SUMF1: variants seen among roughly 807,000 people sequenced by gnomAD.
SUMF1 encodes the protein formylglycine-generating enzyme.
SUMF1 carries 48 observed loss-of-function variants against 47.6 expected under a neutral mutation model. That is an observed-to-expected ratio of 1.01 (90% CI 0.80 to 1.28). The LOEUF (loss-of-function observed/expected upper bound fraction) is 1.28, where lower values mean the gene tolerates loss of function less well. Among genes scored for constraint, SUMF1 ranks in the 50% most tolerant of loss-of-function variants. The probability of loss-of-function intolerance (pLI) is 0.00; values close to 1 mark genes in which losing one functional copy is unlikely to be tolerated. For synonymous variants in SUMF1, 230 were observed against 192.1 expected, an observed-to-expected ratio of 1.20 and a Z score of -1.63; for missense variants, 571 against 485.4, an observed-to-expected ratio of 1.18 and a Z score of -1.66.
At chr3:4,244,921 G>A (rs1182702748) in intron 8 of SUMF1, among the ~76,000 whole-genome samples, 4 of 151,836 alleles carry the variant, frequency 2.6e-5, no homozygotes, top group African/African-American at 9.7e-5. Flanking sequence ...TTTCTTGGAG[G>A]CTTCGTTCGT....
chr3:4,389,114 C>A (rs1392846063), intron 7 of SUMF1, among the ~76,000 whole-genome samples: 3 of 152,144 alleles, frequency 2.0e-5, no homozygotes, highest in East Asian at 1.9e-4. Flanking sequence ...TGTTTAAGAA[C>A]ATTCCTTTAG....
At chr3:4,222,517 G>T in intron 8 of SUMF1, among the ~76,000 whole-genome samples, 1 of 151,988 alleles carries the variant, frequency 6.6e-6, no homozygotes, top group East Asian at 1.9e-4. Context: ...CAACCTGGAT[G>T]TACCAGTGCT....
At chr3:4,368,296 C>G (rs1700048525) in intron 8 of SUMF1, among the ~76,000 whole-genome samples, 2 of 152,190 alleles carry the variant, frequency 1.3e-5, no homozygotes, top group Non-Finnish European at 2.9e-5. Flanking sequence ...GATATCATCT[C>G]ACACCAGTTA....
At position 4,087,278 on chromosome 3, in the gene SUMF1, T is replaced by C. The variant is rs186745020; in HGVS notation, c.1015-18533A>G. Among the ~76,000 whole-genome samples, 42 of 152,278 alleles carry C rather than the reference T, an allele frequency of 2.8e-4. No homozygotes were observed. The East Asian group carries it at 4.2e-3, about 15-fold the overall frequency. ...CTTTCTGATCTCGCAGACATGGAGC[T>C]GGGCAAGTTATAATACCAGACATCT... On this transcript the variant is annotated intron_variant and NMD_transcript_variant, in intron 8 of 12. Coordinates refer to the SUMF1 transcript ENST00000448413.
intron 8 of SUMF1, among the ~76,000 whole-genome samples, chr3:4,069,241 G>A (rs187583817): frequency 4.6e-5 from 7 of 152,248 alleles, no homozygotes; most frequent in Non-Finnish European, 7.3e-5. Context: ...AAATCCATGG[G>A]GGCAGTGATC....
chr3:4,222,080 T>C (rs1414872120), intron 8 of SUMF1, among the ~76,000 whole-genome samples: 1 of 152,102 alleles, frequency 6.6e-6, no homozygotes, highest in Non-Finnish European at 1.5e-5. Flanking sequence ...ACAACAAATA[T>C]ATAATAAGAT....
At chr3:4,197,407 T>C (rs1695452476) in intron 8 of SUMF1, among the ~76,000 whole-genome samples, 1 of 152,106 alleles carries the variant, frequency 6.6e-6, no homozygotes, top group Non-Finnish European at 1.5e-5. Context: ...AGTAAGGAGA[T>C]GGTTTCACGG....
chr3:4,443,553 C>G (rs762317328), intron 3 of SUMF1, among the ~76,000 whole-genome samples: 3 of 152,024 alleles, frequency 2.0e-5, no homozygotes, highest in Non-Finnish European at 4.4e-5. Context: ...TGCTTGAGCC[C>G]AGGAGTTTGA....
At chr3:4,104,670 C>T (rs1235791910) in intron 8 of SUMF1, among the ~76,000 whole-genome samples, 1 of 149,772 alleles carries the variant, frequency 6.7e-6, no homozygotes, top group Non-Finnish European at 1.5e-5. Flanking sequence ...CTCGATTTCT[C>T]TCTCTCTCTC....
intron 8 of SUMF1, among the ~76,000 whole-genome samples, chr3:4,235,901 T>C (rs1234650953): frequency 6.6e-6 from 1 of 152,092 alleles, no homozygotes; most frequent in Non-Finnish European, 1.5e-5. Context: ...ATGGCAGTGA[T>C]GAAGCATTAA....
intron 8 of SUMF1, among the ~76,000 whole-genome samples, chr3:4,210,118 C>T (rs1695748024): frequency 6.6e-6 from 1 of 152,110 alleles, no homozygotes. Flanking sequence ...TGGTCTTGAA[C>T]TCCTGACCTC....
At chr3:4,039,851 T>C (rs980475869) in intron 9 of SUMF1, among the ~76,000 whole-genome samples, 3 of 151,988 alleles carry the variant, frequency 2.0e-5, no homozygotes, top group African/African-American at 7.2e-5. Flanking sequence ...TGAGACCTAG[T>C]TTCTACAAAA....
At chr3:4,123,006 C>A (rs575686566) in intron 8 of SUMF1, among the ~76,000 whole-genome samples, 1 of 152,248 alleles carries the variant, frequency 6.6e-6, no homozygotes, top group South Asian at 2.1e-4. Flanking sequence ...TAGTACCAGG[C>A]ATCGTTCTAT....
At chr3:4,049,499 G>A (rs920509788) in intron 9 of SUMF1, among the ~76,000 whole-genome samples, 2 of 152,116 alleles carry the variant, frequency 1.3e-5, no homozygotes, top group Admixed American at 1.3e-4. Flanking sequence ...GACACCCCTT[G>A]CTGAACGTGA....
chr3:4,121,123 A>G (rs1442986420), intron 8 of SUMF1, among the ~76,000 whole-genome samples: 3 of 152,130 alleles, frequency 2.0e-5, no homozygotes, highest in African/African-American at 7.2e-5. Context: ...ATAATCTTTC[A>G]AGGATATAGC....
At chr3:4,328,607 C>T (rs1698991806) in intron 8 of SUMF1, among the ~76,000 whole-genome samples, 1 of 152,112 alleles carries the variant, frequency 6.6e-6, no homozygotes, top group African/African-American at 2.4e-5. Context: ...CAATTTTCTC[C>T]ACTTGGTCCC....
chr3:4,252,064 T>C (rs1465555430), intron 8 of SUMF1, among the ~76,000 whole-genome samples: 7 of 152,212 alleles, frequency 4.6e-5, no homozygotes, highest in South Asian at 2.1e-4. Flanking sequence ...TGCCTGTAGA[T>C]AGTGGTAGTT....
intron 8 of SUMF1, among the ~76,000 whole-genome samples, chr3:4,150,059 T>G (rs1001634368): frequency 5.9e-5 from 9 of 152,156 alleles, no homozygotes; most frequent in Non-Finnish European, 1.3e-4. Context: ...ATCTTAAGAT[T>G]AGTAATTGTT....
intron 8 of SUMF1, among the ~76,000 whole-genome samples, chr3:4,333,047 C>T (rs1049949531): frequency 6.6e-6 from 1 of 152,182 alleles, no homozygotes. Context: ...TCCAGCTCCC[C>T]ATCCATCCTG....
Sources: gnomAD v4.1 joint callset for allele counts (sites outside exome capture counted in the v4.1 genomes callset) on GRCh38, gnomAD v4.1.1 for gene constraint, MANE v1.5 for transcripts, NCBI Gene and HGNC (gene_info 2026-07-23, HGNC 2026-07-21) for gene names.